The following CAMTA1 variants were observed in gnomAD, a reference collection of about 807,000 sequenced individuals.
CAMTA1 encodes the protein calmodulin binding transcription activator 1, also known as calmodulin-binding transcription activator 1.
Under a neutral mutation model 170.9 loss-of-function variants are expected in CAMTA1, and 27 were observed. The observed-to-expected ratio is 0.16, with a 90% CI of 0.12 to 0.22. The LOEUF (loss-of-function observed/expected upper bound fraction) is 0.22, where lower values mean the gene tolerates loss of function less well. Among genes scored for constraint, CAMTA1 ranks in the 10% least tolerant of loss-of-function variants. CAMTA1 has a pLI of 1.00. For missense variants in CAMTA1, 1,619 were observed against 2,217.2 expected (o/e 0.73, Z 5.42); for synonymous variants, 833 against 891.5 (o/e 0.93, Z 1.17).
intron 5 of CAMTA1, among the ~76,000 whole-genome samples, chr1:7,373,389 G>A (rs1257780366): frequency 6.6e-6 from 1 of 152,240 alleles, no homozygotes. Context: ...GGAGCCCCGA[G>A]TTGGCTGCGA....
chr1:6,980,939 C>T (rs779507643), intron 3 of CAMTA1, among the ~76,000 whole-genome samples: 6 of 152,106 alleles, frequency 3.9e-5, no homozygotes, highest in Non-Finnish European at 8.8e-5. Flanking sequence ...GAGCCTTGGG[C>T]TTCCTTTGCT....
At chr1:7,697,195 C>T (rs2096385447) in intron 11 of CAMTA1, among the ~76,000 whole-genome samples, 1 of 152,208 alleles carries the variant, frequency 6.6e-6, no homozygotes, top group African/African-American at 2.4e-5. Context: ...ATCTGGAGCA[C>T]ATCCTGAGGA....
At chr1:7,529,713 C>T (rs2094469870) in intron 6 of CAMTA1, among the ~76,000 whole-genome samples, 1 of 152,292 alleles carries the variant, frequency 6.6e-6, no homozygotes, top group African/African-American at 2.4e-5. Context: ...TGACCTCAGA[C>T]AAGGAACCTT....
rs1043724180 is a variant in CAMTA1, at chr1:7,665,890, G to A, written c.2652+691G>A. Among the ~76,000 whole-genome samples the A allele has an allele frequency of 2.6e-5, 4 of 152,084 alleles. No homozygotes were observed. The highest frequency in any genetic ancestry group is 2.0e-4 in the Admixed American group (3 of 15,276). Reference sequence around the variant, plus strand: ...AAAAATTCAAAAGTCACCATTGGCCGGGCTCAGTGGCTCATGCCCATAATC... The same window carrying A: ...AAAAATTCAAAAGTCACCATTGGCCAGGCTCAGTGGCTCATGCCCATAATC... On this transcript the variant is annotated intron_variant, in intron 9 of 22. Transcript: ENST00000303635. The surrounding 1 kb of genome is among the most constrained non-coding windows in gnomAD (Gnocchi z 4.3).
intron 6 of CAMTA1, among the ~76,000 whole-genome samples, chr1:7,553,695 C>T (rs1213308541): frequency 6.6e-6 from 1 of 152,168 alleles, no homozygotes; most frequent in African/African-American, 2.4e-5. Flanking sequence ...GGGCAGCTTC[C>T]CAGACATCTC....
At chr1:7,509,225 C>A (rs1035549148) in intron 6 of CAMTA1, among the ~76,000 whole-genome samples, 1 of 152,222 alleles carries the variant, frequency 6.6e-6, no homozygotes, top group African/African-American at 2.4e-5. Flanking sequence ...AACCGTCTTA[C>A]AAATGCATCT....
chr1:7,153,966 T>C (rs1013571979), intron 4 of CAMTA1, among the ~76,000 whole-genome samples: 1 of 152,208 alleles, frequency 6.6e-6, no homozygotes, highest in African/African-American at 2.4e-5. Context: ...TGGCTTCCTC[T>C]GTGATGTGGG....
At chr1:7,229,031 C>T (rs901718400) in intron 4 of CAMTA1, among the ~76,000 whole-genome samples, 1 of 152,098 alleles carries the variant, frequency 6.6e-6, no homozygotes, top group Non-Finnish European at 1.5e-5. Flanking sequence ...GTGTGTGCGT[C>T]AGGACAGGCA....
At chr1:7,316,535 T>C (rs1275254377) in intron 5 of CAMTA1, among the ~76,000 whole-genome samples, 1 of 152,244 alleles carries the variant, frequency 6.6e-6, no homozygotes, top group Admixed American at 6.5e-5. Context: ...GCTGATGTTA[T>C]TGTTGCTTGT....
chr1:7,662,959 G>T (rs2095973565), intron 8 of CAMTA1, among the ~76,000 whole-genome samples: 1 of 152,200 alleles, frequency 6.6e-6, no homozygotes, highest in Admixed American at 6.5e-5. Flanking sequence ...CTCTCACCAG[G>T]CTGATCCCCT....
intron 5 of CAMTA1, among the ~76,000 whole-genome samples, chr1:7,448,972 C>G (rs1042431117): frequency 6.6e-6 from 1 of 152,224 alleles, no homozygotes; most frequent in Non-Finnish European, 1.5e-5. Context: ...CTCCAAGGTA[C>G]AGAAGCAAAA....
chr1:7,072,649 G>A (rs1638796096), intron 3 of CAMTA1, among the ~76,000 whole-genome samples: 1 of 152,244 alleles, frequency 6.6e-6, no homozygotes, highest in Non-Finnish European at 1.5e-5. Context: ...GGGCCAGGCA[G>A]TGTGTCAGGG....
chr1:7,483,839 G>C (rs918261504), intron 6 of CAMTA1, among the ~76,000 whole-genome samples: 1 of 152,124 alleles, frequency 6.6e-6, no homozygotes, highest in African/African-American at 2.4e-5. Context: ...GGACCCCAGG[G>C]GTGGCTCCTG....
chr1:6,916,433 G>A (rs1406464774), intron 3 of CAMTA1, among the ~76,000 whole-genome samples: 1 of 147,116 alleles, frequency 6.8e-6, no homozygotes, highest in African/African-American at 2.5e-5. Flanking sequence ...TTTCTGCAGG[G>A]AAACCAGGCT....
At chr1:7,252,091 T>C (rs1433283503) in intron 5 of CAMTA1, among the ~76,000 whole-genome samples, 1 of 152,204 alleles carries the variant, frequency 6.6e-6, no homozygotes, top group Non-Finnish European at 1.5e-5. Context: ...TAAATAACAC[T>C]TCAATAAGTG....
intron 3 of CAMTA1, among the ~76,000 whole-genome samples, chr1:6,876,800 A>C (rs1670030563): frequency 6.6e-6 from 1 of 152,210 alleles, no homozygotes; most frequent in Non-Finnish European, 1.5e-5. Context: ...GATCTTAGGT[A>C]ATTTAGCCTC....
rs150062086 is a variant in CAMTA1, at chr1:7,588,420, G to A, written c.511-51980G>A. ...AGGGGCTCAGGAGGCCCTGGGCTTC[G>A]TAATCACACTACACTAACGCCTCTG... On this transcript the variant is annotated intron_variant, in intron 6 of 22. Transcript: ENST00000303635. The surrounding 1 kb of genome is among the most constrained non-coding windows in gnomAD (Gnocchi z 5.8). Among the ~76,000 whole-genome samples, 313 of 152,278 alleles carry A rather than the reference G, an allele frequency of 2.1e-3. 2 individuals are homozygous for A. The highest frequency in any genetic ancestry group is 7.1e-3 in the African/African-American group (297 of 41,560).
chr1:7,686,332 G>C lies in CAMTA1; in HGVS notation c.2914+8599G>C, dbSNP rs569388019. 2.0e-4 allele frequency among the ~76,000 whole-genome samples: 31 copies of C among 152,320 alleles called. 1 individual carries two copies. In the South Asian group the frequency reaches 5.4e-3, roughly 26 times the overall value. Reference sequence around the variant, plus strand: ...GCTTTATAGGCCAGGAGAGGTCAGAGGAGGCCTGTATGAGAAGGTGATATT... The same window carrying C: ...GCTTTATAGGCCAGGAGAGGTCAGACGAGGCCTGTATGAGAAGGTGATATT... On this transcript the variant is annotated intron_variant, in intron 11 of 22. Transcript: ENST00000303635.
intron 1 of CAMTA1, among the ~76,000 whole-genome samples, chr1:6,812,717 A>T (rs944009653): frequency 3.3e-5 from 5 of 150,320 alleles, no homozygotes; most frequent in East Asian, 1.9e-4. Context: ...AGAATAATTT[A>T]AAAAAAACTG....
Sources: allele counts gnomAD v4.1 joint callset (sites outside exome capture counted in the v4.1 genomes callset), GRCh38; gene constraint gnomAD v4.1.1; non-coding constraint Gnocchi (gnomAD v3.1); transcripts MANE v1.5; gene names NCBI Gene and HGNC (gene_info 2026-07-23, HGNC 2026-07-21).